AGMO: variants seen among roughly 807,000 people sequenced by gnomAD.
AGMO encodes the protein glyceryl-ether monooxygenase.
AGMO carries 75 observed loss-of-function variants against 60.2 expected under a neutral mutation model. The observed-to-expected ratio is 1.25, with a 90% CI of 1.03 to 1.51. AGMO has a LOEUF of 1.51. Ranked by LOEUF, AGMO falls within the 40% of genes most tolerant of loss-of-function variation. AGMO has a pLI of 0.00. For missense variants in AGMO, 763 were observed against 525.5 expected, an observed-to-expected ratio of 1.45 and a Z score of -4.42; for synonymous variants, 261 against 177.1, an observed-to-expected ratio of 1.47 and a Z score of -3.76.
chr7:15,322,449 T>C (rs1250426270), intron 12 of AGMO, among the ~76,000 whole-genome samples: 8 of 68,390 alleles, frequency 1.2e-4, no homozygotes, highest in African/African-American at 3.0e-4. Context: ...TATATAAATA[T>C]ATATATAAAT....
chr7:15,313,246 C>T (rs1156397352), intron 12 of AGMO, among the ~76,000 whole-genome samples: 1 of 152,152 alleles, frequency 6.6e-6, no homozygotes, highest in Non-Finnish European at 1.5e-5. Flanking sequence ...AAAATAACAT[C>T]CCCCATCATT....
rs972020088 is a variant in AGMO, at chr7:15,383,869, A to G, written c.1074+1577T>C. On this transcript the variant is annotated intron_variant, in intron 10 of 12. Coordinates refer to ENST00000342526, the MANE Select transcript of AGMO (RefSeq NM_001004320.2). The stretch of plus-strand genomic sequence containing the variant: ...CATATCTGAAGATAACATCTCTTCC[A>G]TGTTTTTAATCTGTTTATGTATTGA... 2.6e-5 allele frequency among the ~76,000 whole-genome samples: 4 copies of G among 151,780 alleles called. No individual in the cohort carries two copies. The East Asian group carries it at 7.8e-4, about 29-fold the overall frequency.
chr7:15,428,690 T>A (rs543386211), intron 4 of AGMO, among the ~76,000 whole-genome samples: 2 of 152,216 alleles, frequency 1.3e-5, no homozygotes, highest in South Asian at 4.1e-4. Flanking sequence ...TCTCCAAGAT[T>A]TCTTCTAGTT....
At chr7:15,157,521 T>C in the AGMO span, among the ~76,000 whole-genome samples, 2 of 152,172 alleles carry the variant, frequency 1.3e-5, no homozygotes, top group Non-Finnish European at 2.9e-5. Flanking sequence ...CCACTCTCTT[T>C]TTGCCAGGCT....
intron 3 of AGMO, among the ~76,000 whole-genome samples, 166 bp from the exon 4 acceptor site, chr7:15,431,274 G>A (rs1456020576): frequency 1.3e-5 from 2 of 151,644 alleles, no homozygotes; most frequent in South Asian, 2.1e-4. Context: ...AATAATTTTT[G>A]GAACCAAAGA....
intron 12 of AGMO, among the ~76,000 whole-genome samples, chr7:15,313,903 C>CT (rs1265183887): frequency 6.6e-6 from 1 of 151,834 alleles, no homozygotes; most frequent in Non-Finnish European, 1.5e-5. Flanking sequence ...CCTTGCTGTA[C>CT]TATACTCACC....
chr7:15,521,218 G>T (rs757489447), intron 3 of AGMO, among the ~76,000 whole-genome samples: 2 of 151,892 alleles, frequency 1.3e-5, no homozygotes, highest in Admixed American at 6.6e-5. Flanking sequence ...CCTACCAACC[G>T]CAAAAAGGCA....
intron 3 of AGMO, among the ~76,000 whole-genome samples, chr7:15,483,570 AAAACAAACAAACAAAC>A (rs3076838): frequency 3.4e-5 from 5 of 148,772 alleles, no homozygotes; most frequent in African/African-American, 9.8e-5. Context: ...ACTCTGTCTC[AAAACAAACAAACAAAC>A]AAACAAACAA....
At chr7:15,298,011 G>A (rs1197972096) in intron 12 of AGMO, among the ~76,000 whole-genome samples, 2 of 152,082 alleles carry the variant, frequency 1.3e-5, no homozygotes, top group African/African-American at 4.8e-5. Flanking sequence ...TTAATTCTAG[G>A]TAAGTCAGTA....
At chr7:15,340,754 T>G (rs1004484412) in intron 12 of AGMO, among the ~76,000 whole-genome samples, 1 of 152,176 alleles carries the variant, frequency 6.6e-6, no homozygotes, top group Non-Finnish European at 1.5e-5. Context: ...GGCAGAGGTG[T>G]GCTGCAGGGG....
At chr7:15,552,318 A>T (rs564549816) in intron 2 of AGMO, among the ~76,000 whole-genome samples, 2 of 152,320 alleles carry the variant, frequency 1.3e-5, no homozygotes, top group African/African-American at 4.8e-5. Flanking sequence ...AAATTGACAA[A>T]TGGGATCTAA....
intron 3 of AGMO, among the ~76,000 whole-genome samples, chr7:15,537,323 T>C (rs1233182304): frequency 6.6e-6 from 1 of 152,160 alleles, no homozygotes; most frequent in African/African-American, 2.4e-5. Flanking sequence ...TGGTAAGCAG[T>C]TGCACGGTGG....
the AGMO span, among the ~76,000 whole-genome samples, chr7:15,172,310 T>C: frequency 6.6e-6 from 1 of 152,166 alleles, no homozygotes; most frequent in Non-Finnish European, 1.5e-5. Context: ...AATAAGTACA[T>C]TTAAATAAGT....
At chr7:15,170,015 G>A in the AGMO span, among the ~76,000 whole-genome samples, 95 of 152,340 alleles carry the variant, frequency 6.2e-4, no homozygotes, top group Non-Finnish European at 1.1e-3. Context: ...ACTAGTTAGG[G>A]ATGGGTACAG....
chr7:15,344,245 T>A (rs1781955939), intron 12 of AGMO, among the ~76,000 whole-genome samples: 1 of 152,148 alleles, frequency 6.6e-6, no homozygotes, highest in Non-Finnish European at 1.5e-5. Flanking sequence ...GTAATTACAA[T>A]ATTTATGTAC....
intron 5 of AGMO, among the ~76,000 whole-genome samples, chr7:15,414,833 T>C (rs1220727911): frequency 1.3e-5 from 2 of 152,054 alleles, no homozygotes; most frequent in Admixed American, 6.6e-5. Flanking sequence ...AGTCTAAAAA[T>C]AAATACAAAC....
intron 12 of AGMO, among the ~76,000 whole-genome samples, chr7:15,293,961 TAAGTA>T (rs759334892): frequency 4.1e-4 from 62 of 152,068 alleles, no homozygotes; most frequent in Non-Finnish European, 7.6e-4. Context: ...ACAGAAGGTC[TAAGTA>T]AAGAGATGTT....
chr7:15,190,235 A>C, the AGMO span, among the ~76,000 whole-genome samples: 1 of 133,800 alleles, frequency 7.5e-6, no homozygotes, highest in African/African-American at 2.6e-5. Flanking sequence ...ATATATTTAT[A>C]TATATATATA....
chr7:15,393,454 A>G (rs113935868), intron 6 of AGMO, among the ~76,000 whole-genome samples: 2,993 of 152,342 alleles, frequency 0.02, 77 homozygotes, highest in African/African-American at 0.066. Context: ...CATGTATAAT[A>G]TAAGATTTAT....
Sources: gnomAD v4.1 joint callset for allele counts (sites outside exome capture counted in the v4.1 genomes callset) on GRCh38, gnomAD v4.1.1 for gene constraint, MANE v1.5 for transcripts, NCBI Gene and HGNC (gene_info 2026-07-23, HGNC 2026-07-21) for gene names.